The following SNX3 variants were observed in gnomAD, a reference collection of about 807,000 sequenced individuals.
SNX3 encodes sorting nexin-3.
In SNX3, 5 loss-of-function variants were observed where a neutral mutation model predicts 17.7. The ratio of observed to expected loss-of-function variants is 0.28; its 90% confidence interval spans 0.15 to 0.59. The LOEUF is 0.59. Ranked by LOEUF, SNX3 falls within the 20% of genes least tolerant of loss-of-function variation. The pLI is 0.88. For missense variants in SNX3, 132 were observed against 206.8 expected (o/e 0.64, Z 2.22); for synonymous variants, 91 against 76.5 (o/e 1.19, Z -0.99).
intron 1 of SNX3, among the ~76,000 whole-genome samples, chr6:108,241,989 A>C (rs985720691): frequency 6.6e-6 from 1 of 152,204 alleles, no homozygotes; most frequent in Non-Finnish European, 1.5e-5. Context: ...GAATCTCAAC[A>C]AAAAGATTAT....
intron 2 of SNX3, among the ~76,000 whole-genome samples, chr6:108,216,731 A>C (rs1296952880): frequency 6.6e-6 from 1 of 152,254 alleles, no homozygotes; most frequent in Non-Finnish European, 1.5e-5. Flanking sequence ...GTTTATCCTC[A>C]AACAAAATTC....
chr6:108,251,962 G>C (rs1176451721), intron 1 of SNX3, among the ~76,000 whole-genome samples: 2 of 151,910 alleles, frequency 1.3e-5, no homozygotes, highest in Non-Finnish European at 2.9e-5. Context: ...CTACTTGGGA[G>C]GCTGAAGCAT....
rs760258383 is a variant in SNX3 at position 108,260,829 on chromosome 6, G to C, written c.93C>G (p.Ile31Met). ...CCACCGTTTGCGGGTTGCTCACATC[G>C]ATCTCGAGGAAGTTGCTGGGGGGTC... is the stretch of plus-strand genomic sequence containing the variant. ...AYGPPSNFLE[I>M]DVSNPQTVGV... The change falls in exon 1 of 4, where the codon ATC (isoleucine) becomes ATG (methionine). Residue 31 changes from isoleucine (I) to methionine (M), a missense_variant. This residue lies in a region of SNX3 where 78 missense variants were observed against 88.8 expected (regional missense o/e 0.88). Coordinates refer to ENST00000230085, the MANE Select transcript of SNX3 (RefSeq NM_003795.6). 1.2e-6 allele frequency: 2 copies of C among 1,613,860 alleles called. No individual in the cohort carries two copies. The highest frequency in any genetic ancestry group is 8.5e-7 in the Non-Finnish European group (1 of 1,179,862).
intron 1 of SNX3, among the ~76,000 whole-genome samples, chr6:108,242,656 G>A (rs1295387199): frequency 6.6e-6 from 1 of 152,176 alleles, no homozygotes; most frequent in East Asian, 1.9e-4. Context: ...GAATGCAATG[G>A]ATGTCACTTC....
chr6:108,242,902 T>C (rs1372130024), intron 1 of SNX3, among the ~76,000 whole-genome samples: 4 of 152,078 alleles, frequency 2.6e-5, no homozygotes. Flanking sequence ...CCCACAACTA[T>C]GTAAGCCTGG....
At chr6:108,245,730 G>C (rs943836985) in intron 1 of SNX3, among the ~76,000 whole-genome samples, 1 of 152,124 alleles carries the variant, frequency 6.6e-6, no homozygotes, top group African/African-American at 2.4e-5. Context: ...AAAATTGTTT[G>C]TTGGCCGCAT....
intron 1 of SNX3, among the ~76,000 whole-genome samples, chr6:108,230,452 T>C (rs775596879): frequency 6.6e-6 from 1 of 152,284 alleles, no homozygotes; most frequent in Non-Finnish European, 1.5e-5. Flanking sequence ...GAAATAACAA[T>C]AGATCAGCCG....
chr6:108,258,460 A>G (rs1056054523), intron 1 of SNX3, among the ~76,000 whole-genome samples: 5 of 148,130 alleles, frequency 3.4e-5, no homozygotes, highest in Non-Finnish European at 7.4e-5. Flanking sequence ...TCCGTCTCAA[A>G]AAAAAAAAAA....
intron 1 of SNX3, among the ~76,000 whole-genome samples, chr6:108,237,010 A>C (rs558166908): frequency 3.8e-4 from 58 of 152,344 alleles, no homozygotes; most frequent in Non-Finnish European, 5.7e-4. Flanking sequence ...CAAATCACTT[A>C]ACATAAAAAT....
chr6:108,243,710 A>G (rs80052757), intron 1 of SNX3, among the ~76,000 whole-genome samples: 5,615 of 152,220 alleles, frequency 0.037, 298 homozygotes, highest in African/African-American at 0.12. Context: ...GGCGGGGTGG[A>G]TCACCTGAGG....
Position 108,222,947 on chromosome 6 carries a change from T to C in SNX3, c.258+3A>G. 1 of 1,556,402 alleles carries C rather than the reference T, an allele frequency of 6.4e-7. No homozygotes were observed. Among genetic ancestry groups the C allele is most frequent in the Non-Finnish European group, 8.8e-7 (1 of 1,130,574 alleles). ...TTAAAGTTGCATCATAAATCATTCT[T>C]ACCTTGCTCTCTCTTTCTAATTCAC... On this transcript the variant is annotated splice_donor_region_variant and intron_variant, in intron 2 of 3. Coordinates refer to ENST00000230085, the MANE Select transcript of SNX3 (RefSeq NM_003795.6).
intron 1 of SNX3, among the ~76,000 whole-genome samples, chr6:108,259,208 T>C (rs990600334): frequency 2.0e-5 from 3 of 152,194 alleles, no homozygotes; most frequent in African/African-American, 7.2e-5. Context: ...GCAGTTTCCC[T>C]ATGACAACAT....
chr6:108,214,617 T>A lies in SNX3; in HGVS notation c.264A>T (p.Val88=), dbSNP rs760904690. 4 of 1,610,976 alleles carry A rather than the reference T, an allele frequency of 2.5e-6. No homozygotes were observed. In the Admixed American group the frequency reaches 5.1e-5, roughly 21 times the overall value. Residue 88 remains valine (V), a synonymous_variant, in exon 3 of 4, where the codon GTA becomes GTT. Transcript: ENST00000230085. ...ACGCTTTCCCAGGGAGCGGGGGAAC[T>A]ACGACCTAAAATGTGAAGACAGAAA... is the stretch of plus-strand genomic sequence containing the variant. ...RSELERESKV[V]VPPLPGKAFL...
intron 1 of SNX3, among the ~76,000 whole-genome samples, chr6:108,248,616 A>G (rs933401968): frequency 1.3e-5 from 2 of 152,252 alleles, no homozygotes; most frequent in Middle Eastern, 3.2e-3. Flanking sequence ...AGGTCTAAAC[A>G]AAAACGCTCT....
intron 2 of SNX3, among the ~76,000 whole-genome samples, chr6:108,219,109 C>T (rs772376715): frequency 1.7e-4 from 26 of 151,858 alleles, no homozygotes; most frequent in East Asian, 5.8e-4. Context: ...CCCAGCACTT[C>T]GGGAGGCCAA....
intron 2 of SNX3, among the ~76,000 whole-genome samples, chr6:108,220,852 G>T (rs1324300233): frequency 6.6e-6 from 1 of 151,816 alleles, no homozygotes; most frequent in Admixed American, 6.6e-5. Context: ...GTGGTGGTGG[G>T]TGCCTGTAAT....
chr6:108,238,241 A>G (rs1470058876), intron 1 of SNX3, among the ~76,000 whole-genome samples: 1 of 152,084 alleles, frequency 6.6e-6, no homozygotes, highest in Non-Finnish European at 1.5e-5. Flanking sequence ...TAAGAATTAT[A>G]AGAGGATACC....
rs182706558 is a variant in SNX3, at chr6:108,247,035, C to A, written c.162+13725G>T. On this transcript the variant is annotated intron_variant, in intron 1 of 3. Transcript: ENST00000230085. ...GAATTGTAATCCCCACGTGTAAACC[C>A]CCAGGTGACCGTATCATGGGGGCAG... Among the ~76,000 whole-genome samples the A allele has an allele frequency of 1.2e-3, 179 of 152,244 alleles. 2 individuals are homozygous for A. Among genetic ancestry groups the A allele is most frequent in the African/African-American group, 3.9e-3 (162 of 41,544 alleles).
At chr6:108,246,395 G>A (rs1166852767) in intron 1 of SNX3, among the ~76,000 whole-genome samples, 1 of 129,246 alleles carries the variant, frequency 7.7e-6, no homozygotes, top group Non-Finnish European at 1.5e-5. Context: ...TGCAATCTCA[G>A]CTCACTGCAA....
Sources: allele counts gnomAD v4.1 joint callset (sites outside exome capture counted in the v4.1 genomes callset), GRCh38; gene constraint gnomAD v4.1.1; regional missense constraint gnomAD v4.1.1; transcripts MANE v1.5; gene names NCBI Gene and HGNC (gene_info 2026-07-23, HGNC 2026-07-21).